The following OR11G2 variants were observed in gnomAD, a reference collection of about 807,000 sequenced individuals.
OR11G2 encodes the protein olfactory receptor 11G2.
In OR11G2, 2 loss-of-function variants were observed where a neutral mutation model predicts 0.9. That is an observed-to-expected ratio of 2.35 (90% CI 0.96 to 7.38). The LOEUF is 7.38. OR11G2 is among the 30% of genes most tolerant of loss of function. OR11G2 has a pLI of 0.05. For missense variants in OR11G2, 395 were observed against 371.3 expected (o/e 1.06, Z -0.52); for synonymous variants, 153 against 142.0 (o/e 1.08, Z -0.55).
At chr14:20,196,855 C>T (rs532938954) in intron 1 of OR11G2, among the ~76,000 whole-genome samples, 1 of 152,292 alleles carries the variant, frequency 6.6e-6, no homozygotes. Flanking sequence ...GACTGTGTTA[C>T]TCATGAAACA....
chr14:20,197,398 T>C, intron 1 of OR11G2, 36 bp from the exon 2 acceptor site: 1 of 1,610,920 alleles, frequency 6.2e-7, no homozygotes, highest in Non-Finnish European at 8.5e-7. Context: ...GTTTGCACCG[T>C]CATTCAGTAA....
In OR11G2 at chr14:20,197,880, T is replaced by C. The variant is rs781437496; in HGVS notation, c.443T>C (p.Leu148Pro). The change falls in exon 2 of 2, where the codon CTT becomes CCT. Residue 148 changes from leucine to proline, a missense_variant. Leu to Pro is a moderately conservative substitution (Grantham distance 98). Coordinates refer to ENST00000641879, the MANE Select transcript of OR11G2 (RefSeq NM_001386033.1). Reference sequence around the variant, plus strand: ...ATGACCAGACGTCTCTGTACCAATCTTGTGGTCAATTGCTGGGTACTTGGT... The same window carrying C: ...ATGACCAGACGTCTCTGTACCAATCCTGTGGTCAATTGCTGGGTACTTGGT... ...TIMTRRLCTN[L>P]VVNCWVLGFI... 6 of 1,614,066 alleles carry C rather than the reference T, an allele frequency of 3.7e-6. No homozygotes were observed. In the African/African-American group the frequency reaches 5.3e-5, roughly 14 times the overall value.
In OR11G2 at chr14:20,198,339, T is replaced by C. The variant is rs1879822817; in HGVS notation, c.902T>C (p.Met301Thr). The C allele has an allele frequency of 6.3e-7, 1 of 1,578,380 alleles. No individual in the cohort carries two copies. Among genetic ancestry groups the C allele is most frequent in the Non-Finnish European group, 8.6e-7 (1 of 1,167,254 alleles). The part of the protein sequence containing the change: ...PVIYSLRNKD[M>T]RKALKKFWGT ...ATATATAGTCTTAGGAACAAAGATA[T>C]GAGAAAAGCTCTGAAGAAATTTTGG... The change falls in exon 2 of 2, where the codon ATG becomes ACG. Residue 301 changes from methionine to threonine, a missense_variant. Coordinates refer to ENST00000641879, the MANE Select transcript of OR11G2 (RefSeq NM_001386033.1).
At chr14:20,195,930 A>C (rs1401649962) in intron 1 of OR11G2, among the ~76,000 whole-genome samples, 4 of 152,230 alleles carry the variant, frequency 2.6e-5, no homozygotes, top group African/African-American at 9.6e-5. Context: ...AGTTAGGCTT[A>C]CATAGCATCT....
At position 20,198,362 on chromosome 14, in the gene OR11G2, T is replaced by G. The variant is rs375275941; in HGVS notation, c.925T>G (p.Trp309Gly). 1.3e-6 allele frequency: 2 copies of G among 1,554,012 alleles called. No homozygotes were observed. Among genetic ancestry groups the G allele is most frequent in the Non-Finnish European group, 1.7e-6 (2 of 1,154,646 alleles). The change falls in exon 2 of 2, where the codon TGG becomes GGG. Residue 309 changes from tryptophan to glycine, a missense_variant. By Grantham distance (184) the Trp-to-Gly change is radical. Coordinates refer to ENST00000641879, the MANE Select transcript of OR11G2 (RefSeq NM_001386033.1). ...TATGAGAAAAGCTCTGAAGAAATTTTGGGGAACATAAAATGTTAATCAAAA... is the reference window on the plus strand; with the variant it reads ...TATGAGAAAAGCTCTGAAGAAATTTGGGGGAACATAAAATGTTAATCAAAA... ...KDMRKALKKFWGT is the reference protein window; with the variant it reads ...KDMRKALKKFGGT
chr14:20,194,208 G>T (rs1389678886), intron 1 of OR11G2, among the ~76,000 whole-genome samples: 1 of 152,188 alleles, frequency 6.6e-6, no homozygotes, highest in African/African-American at 2.4e-5. Context: ...AAAGGAACTG[G>T]TCTGATTTTC....
intron 1 of OR11G2, 138 bp from the exon 2 acceptor site, chr14:20,197,296 T>A: frequency 8.9e-7 from 1 of 1,129,936 alleles, no homozygotes; most frequent in Non-Finnish European, 1.3e-6. Flanking sequence ...ATATCTGCAT[T>A]CTGTTTTTTA....
intron 1 of OR11G2, among the ~76,000 whole-genome samples, chr14:20,196,419 T>C (rs1308365483): frequency 1.3e-5 from 2 of 152,232 alleles, no homozygotes; most frequent in Non-Finnish European, 2.9e-5. Context: ...TGCTCACTTA[T>C]GCGCTTATTT....
chr14:20,197,934 A>G lies in OR11G2; in HGVS notation c.497A>G (p.Asn166Ser), dbSNP rs1879805681. ...GFIWFLIPIV[N>S]ISQMSFCGSR... ...ATCTGGTTCTTGATTCCTATCGTCA[A>G]CATCTCCCAAATGTCCTTCTGTGGA... Residue 166 changes from asparagine (N) to serine (S), a missense_variant, in exon 2 of 2, where the codon AAC becomes AGC. By Grantham distance (46) the Asn-to-Ser change is conservative. Coordinates refer to ENST00000641879, the MANE Select transcript of OR11G2 (RefSeq NM_001386033.1). 1.9e-6 allele frequency: 3 copies of G among 1,614,050 alleles called. No individual in the cohort carries two copies. The South Asian group carries it at 3.3e-5, about 18-fold the overall frequency.
rs1402570010 is a variant in OR11G2 at position 20,197,817 on chromosome 14, A to G, written c.380A>G (p.Tyr127Cys). ...CTGGCAGTTATGGCATTTGATCGAT[A>G]CCTTGCCATCTGTCGGCCTCTACGC... is the stretch of plus-strand genomic sequence containing the variant. ...FFLAVMAFDR[Y>C]LAICRPLRYP... Residue 127 changes from tyrosine to cysteine, a missense_variant, in exon 2 of 2, where the codon TAC becomes TGC. Physicochemically the swap from Tyr to Cys is radical, Grantham distance 194 (BLOSUM62 -2). Transcript: ENST00000641879. 1 of 1,613,922 alleles carries G rather than the reference A, an allele frequency of 6.2e-7. No homozygotes were observed. Among genetic ancestry groups the G allele is most frequent in the East Asian group, 2.2e-5 (1 of 44,862 alleles).
rs1473442646 is a variant in OR11G2, at chr14:20,200,822, T to A, written c.*2449T>A. The A allele has an allele frequency of 2.0e-5, 3 of 152,222 alleles. No homozygotes were observed. Among genetic ancestry groups the A allele is most frequent in the African/African-American group, 7.2e-5 (3 of 41,454 alleles). 9.4% of individuals were successfully genotyped at this position (152,222 alleles called of 1,614,324 possible). ...TATTATGTCTTCAATTTATAAACTATGAAGCAGTTCCATATGCAATGATAT... is the reference window on the plus strand; with the variant it reads ...TATTATGTCTTCAATTTATAAACTAAGAAGCAGTTCCATATGCAATGATAT... On this transcript the variant is annotated 3_prime_UTR_variant, in exon 2 of 2. Transcript: ENST00000641879.
chr14:20,196,387 G>A (rs1879753573), intron 1 of OR11G2, among the ~76,000 whole-genome samples: 2 of 152,200 alleles, frequency 1.3e-5, no homozygotes, highest in African/African-American at 2.4e-5. Context: ...CATAGAAGGA[G>A]GGACACAAAC....
At chr14:20,192,938 GC>G (rs1487404842) in intron 1 of OR11G2, among the ~76,000 whole-genome samples, 1 of 152,142 alleles carries the variant, frequency 6.6e-6, no homozygotes, top group African/African-American at 2.4e-5. Flanking sequence ...GTGTGTGCAT[GC>G]ATGTGTATAG....
intron 1 of OR11G2, among the ~76,000 whole-genome samples, chr14:20,192,157 G>A (rs1011386444): frequency 2.6e-5 from 4 of 152,062 alleles, no homozygotes; most frequent in Non-Finnish European, 5.9e-5. Context: ...CTCCCAAATA[G>A]CTGGGATTAC....
Position 20,198,388 on chromosome 14 carries a change from A to C in OR11G2, c.*15A>C, listed in dbSNP as rs202038083. On this transcript the variant is annotated 3_prime_UTR_variant, in exon 2 of 2. Coordinates refer to ENST00000641879, the MANE Select transcript of OR11G2 (RefSeq NM_001386033.1). ...GGGGAACATAAAATGTTAATCAAAA[A>C]GGTCCTTGCGTAATTAATCTTGTCT... 2.6e-6 allele frequency: 4 copies of C among 1,513,160 alleles called. No homozygotes were observed. Among genetic ancestry groups the C allele is most frequent in the Non-Finnish European group, 3.6e-6 (4 of 1,125,994 alleles). 93.7% of individuals were successfully genotyped at this position (1,513,160 alleles called of 1,614,324 possible).
chr14:20,200,110 GA>G lies in OR11G2; in HGVS notation c.*1739del, dbSNP rs1275651854. On this transcript the variant is annotated 3_prime_UTR_variant, in exon 2 of 2. Coordinates refer to ENST00000641879, the MANE Select transcript of OR11G2 (RefSeq NM_001386033.1). Reference sequence around the variant, plus strand: ...CCTGTTTTTCAGGTTAAATAAATAGGAATTGGGAATCAGGGAGCAATTTGCT... The same window carrying G: ...CCTGTTTTTCAGGTTAAATAAATAGGATTGGGAATCAGGGAGCAATTTGCT... The G allele has an allele frequency of 7.4e-6, 1 of 135,470 alleles. No homozygotes were observed. Among genetic ancestry groups the G allele is most frequent in the East Asian group, 2.2e-4 (1 of 4,530 alleles). 8.4% of individuals were successfully genotyped at this position (135,470 alleles called of 1,614,324 possible).
chr14:20,198,335 G>C lies in OR11G2; in HGVS notation c.898G>C (p.Asp300His), dbSNP rs2139116144. Reference sequence around the variant, plus strand: ...TGTGATATATAGTCTTAGGAACAAAGATATGAGAAAAGCTCTGAAGAAATT... The same window carrying C: ...TGTGATATATAGTCTTAGGAACAAACATATGAGAAAAGCTCTGAAGAAATT... The part of the protein sequence containing the change: ...NPVIYSLRNK[D>H]MRKALKKFWG... The change falls in exon 2 of 2, where the codon GAT becomes CAT. Residue 300 changes from aspartate (D) to histidine (H), a missense_variant. Asp to His is a moderately conservative substitution (Grantham distance 81, BLOSUM62 -1). Transcript: ENST00000641879. The C allele has an allele frequency of 6.3e-7, 1 of 1,582,616 alleles. No homozygotes were observed. The highest frequency in any genetic ancestry group is 8.6e-7 in the Non-Finnish European group (1 of 1,169,434).
intron 1 of OR11G2, among the ~76,000 whole-genome samples, chr14:20,193,048 A>AT (rs35866317): frequency 0.17 from 25,981 of 152,116 alleles, 2,321 homozygotes; most frequent in African/African-American, 0.18. Flanking sequence ...GAACAGACTG[A>AT]TTCCAGCTTT....
rs912170577 is a variant in OR11G2 at position 20,191,058 on chromosome 14, T to C, written c.-613T>C. The C allele has an allele frequency of 6.6e-6, 1 of 152,198 alleles. No homozygotes were observed. The highest frequency in any genetic ancestry group is 1.5e-5 in the Non-Finnish European group (1 of 68,050). 9.4% of individuals were successfully genotyped at this position (152,198 alleles called of 1,614,324 possible). A position where few individuals can be genotyped will look rare whatever the true frequency, so the allele number is the denominator to read the frequency against. On this transcript the variant is annotated 5_prime_UTR_variant, in exon 1 of 2. Coordinates refer to ENST00000641879, the MANE Select transcript of OR11G2 (RefSeq NM_001386033.1). ...ACTTCAGGTTTGTGATCCCCTTTTGTCCATGAAAGGAGATGATGCAATGGA... is the reference window on the plus strand; with the variant it reads ...ACTTCAGGTTTGTGATCCCCTTTTGCCCATGAAAGGAGATGATGCAATGGA...
Sources: gnomAD v4.1 joint callset for allele counts (sites outside exome capture counted in the v4.1 genomes callset) on GRCh38, gnomAD v4.1.1 for gene constraint, MANE v1.5 for transcripts, NCBI Gene and HGNC (gene_info 2026-07-23, HGNC 2026-07-21) for gene names.